BBS9: variants seen among roughly 807,000 people sequenced by gnomAD.
BBS9 encodes the protein Bardet-Biedl syndrome 9.
Under a neutral mutation model 117.7 loss-of-function variants are expected in BBS9, and 89 were observed. That is an observed-to-expected ratio of 0.76 (90% CI 0.64 to 0.90). The LOEUF (loss-of-function observed/expected upper bound fraction) is 0.90. Among genes scored for constraint, BBS9 ranks in the 40% least tolerant of loss-of-function variants. The pLI is 0.00. For missense variants in BBS9, 982 were observed against 1,042.2 expected (o/e 0.94, Z 0.80); for synonymous variants, 379 against 370.9 (o/e 1.02, Z -0.25).
At chr7:33,389,471 C>T (rs1584617293) in intron 19 of BBS9, among the ~76,000 whole-genome samples, 1 of 152,064 alleles carries the variant, frequency 6.6e-6, no homozygotes, top group East Asian at 1.9e-4. Flanking sequence ...GGGCGGATCA[C>T]GAGGTCAGGA....
chr7:33,449,494 T>C (rs898531883), intron 19 of BBS9, among the ~76,000 whole-genome samples: 1 of 152,082 alleles, frequency 6.6e-6, no homozygotes, highest in African/African-American at 2.4e-5. Flanking sequence ...CTGGAGAGGC[T>C]TGGGGGCTGG....
At chr7:33,479,021 T>C (rs6462482) in intron 19 of BBS9, among the ~76,000 whole-genome samples, 118,359 of 152,116 alleles carry the variant, frequency 0.78, 46,882 homozygotes, top group African/African-American at 0.93. Flanking sequence ...AAGCTAGGCT[T>C]AATTCAAGGT....
chr7:33,403,899 C>T (rs1440461760), intron 19 of BBS9, among the ~76,000 whole-genome samples: 1 of 152,144 alleles, frequency 6.6e-6, no homozygotes, highest in Non-Finnish European at 1.5e-5. Context: ...ACACCGACTT[C>T]CACAGTGGTT....
intron 5 of BBS9, among the ~76,000 whole-genome samples, chr7:33,219,689 G>C (rs993815839): frequency 3.3e-5 from 5 of 152,110 alleles, no homozygotes; most frequent in African/African-American, 1.2e-4. Context: ...GTCTAGCTCA[G>C]GGATTATAAA....
intron 20 of BBS9, among the ~76,000 whole-genome samples, chr7:33,527,020 G>T (rs1254698448): frequency 6.6e-6 from 1 of 151,366 alleles, no homozygotes; most frequent in East Asian, 2.0e-4. Context: ...TGAGGTGTCA[G>T]TGTGCCCCTG....
Position 33,152,783 on chromosome 7 carries a change from C to A in BBS9, c.195C>A (p.Ala65=), listed in dbSNP as rs373063776. The part of the protein sequence containing the change: ...HPAKTGDGAQ[A]EDLLLEVDLR... Reference sequence around the variant, plus strand: ...CAAAAACAGGAGATGGAGCTCAAGCCGAAGATTTGCTTCTAGAAGTGGATC... The same window carrying A: ...CAAAAACAGGAGATGGAGCTCAAGCAGAAGATTTGCTTCTAGAAGTGGATC... Residue 65 remains alanine, a synonymous_variant, in exon 3 of 23, where the codon GCC becomes GCA. Coordinates refer to ENST00000242067, the MANE Select transcript of BBS9 (RefSeq NM_198428.3). 1.2e-5 allele frequency: 20 copies of A among 1,613,396 alleles called. No homozygotes were observed. The Admixed American group carries it at 3.0e-4, about 24-fold the overall frequency.
chr7:33,524,161 T>C (rs1471782339), intron 20 of BBS9, among the ~76,000 whole-genome samples: 2 of 143,702 alleles, frequency 1.4e-5, no homozygotes, highest in East Asian at 2.1e-4. Flanking sequence ...CAGTATTTTA[T>C]TGAGGATTTT....
intron 21 of BBS9, among the ~76,000 whole-genome samples, chr7:33,552,561 T>C (rs1854607683): frequency 6.6e-6 from 1 of 152,184 alleles, no homozygotes; most frequent in Non-Finnish European, 1.5e-5. Flanking sequence ...GTTACTAAAA[T>C]TAATTATAAA....
intron 21 of BBS9, among the ~76,000 whole-genome samples, chr7:33,550,051 A>G (rs922399080): frequency 1.1e-5 from 1 of 91,276 alleles, no homozygotes; most frequent in Non-Finnish European, 2.1e-5. Context: ...TGATTCATAT[A>G]ACAATTTTTT....
chr7:33,538,954 A>G (rs1006580219), intron 21 of BBS9, among the ~76,000 whole-genome samples: 5 of 152,190 alleles, frequency 3.3e-5, no homozygotes, highest in Admixed American at 6.5e-5. Context: ...ATACTTCACT[A>G]TAGATTTGTT....
At chr7:33,211,855 A>G (rs1788087954) in intron 5 of BBS9, among the ~76,000 whole-genome samples, 1 of 152,012 alleles carries the variant, frequency 6.6e-6, no homozygotes, top group Non-Finnish European at 1.5e-5. Flanking sequence ...ATTGAAGGGT[A>G]AGGGTTTTTC....
chr7:33,472,664 G>A (rs559097403), intron 19 of BBS9, among the ~76,000 whole-genome samples: 1 of 152,312 alleles, frequency 6.6e-6, no homozygotes, highest in African/African-American at 2.4e-5. Context: ...GACAAGCAGA[G>A]TTTATAGTTG....
intron 1 of BBS9, among the ~76,000 whole-genome samples, chr7:33,130,372 C>T (rs1188498545): frequency 6.6e-6 from 1 of 152,198 alleles, no homozygotes; most frequent in Non-Finnish European, 1.5e-5. Context: ...GATGCATGTA[C>T]TAATACCCCC....
In BBS9 at chr7:33,600,797, G is replaced by T. The variant is rs112583492; in HGVS notation, c.2522-4068G>T. Among the ~76,000 whole-genome samples the T allele has an allele frequency of 2.6e-4, 40 of 152,278 alleles. 1 individual carries two copies. The South Asian group carries it at 7.9e-3, about 30-fold the overall frequency. On this transcript the variant is annotated intron_variant, in intron 21 of 22. Transcript: ENST00000242067. ...GGTGCCCAGTCCTTCTGTGTCCCAT[G>T]CCTCCATCTCTGGATGATGTCTTGT...
At chr7:33,487,732 A>T (rs1843311091) in intron 19 of BBS9, among the ~76,000 whole-genome samples, 1 of 152,174 alleles carries the variant, frequency 6.6e-6, no homozygotes. Context: ...GAGAATGGTC[A>T]GGGGATGTGT....
chr7:33,163,757 T>A (rs887983930), intron 4 of BBS9, among the ~76,000 whole-genome samples: 2 of 152,310 alleles, frequency 1.3e-5, no homozygotes, highest in Middle Eastern at 3.4e-3. Flanking sequence ...GTCTATCAAT[T>A]TTGTTGATCT....
intron 9 of BBS9, among the ~76,000 whole-genome samples, chr7:33,277,626 A>G (rs574276591): frequency 1.1e-4 from 16 of 152,256 alleles, no homozygotes; most frequent in Non-Finnish European, 1.9e-4. Context: ...GGGTTTTTCA[A>G]AAGTTCTTTG....
chr7:33,440,703 A>T (rs573517587), intron 19 of BBS9, among the ~76,000 whole-genome samples: 2 of 152,378 alleles, frequency 1.3e-5, no homozygotes, highest in Non-Finnish European at 2.9e-5. Context: ...AAGTTAGTTG[A>T]TGTTGGACAT....
At chr7:33,520,806 T>C (rs1028167145) in intron 20 of BBS9, among the ~76,000 whole-genome samples, 1 of 152,190 alleles carries the variant, frequency 6.6e-6, no homozygotes, top group Non-Finnish European at 1.5e-5. Flanking sequence ...GGGCCTCCAT[T>C]GTCCCCTGGC....
Sources: allele counts gnomAD v4.1 joint callset (sites outside exome capture counted in the v4.1 genomes callset), GRCh38; gene constraint gnomAD v4.1.1; transcripts MANE v1.5; gene names NCBI Gene and HGNC (gene_info 2026-07-23, HGNC 2026-07-21).